The following POLA1 variants were observed in gnomAD, a reference collection of about 807,000 sequenced individuals.
POLA1 encodes DNA polymerase alpha 1, catalytic subunit.
POLA1 carries 15 observed loss-of-function variants against 124.0 expected under a neutral mutation model. The ratio of observed to expected loss-of-function variants is 0.12; its 90% confidence interval spans 0.08 to 0.19. The LOEUF (loss-of-function observed/expected upper bound fraction) is 0.19, where lower values mean the gene tolerates loss of function less well. Among genes scored for constraint, POLA1 ranks in the 10% least tolerant of loss-of-function variants. The pLI is 1.00. For missense variants in POLA1, 886 were observed against 1,103.4 expected, an observed-to-expected ratio of 0.80 and a Z score of 2.79; for synonymous variants, 408 against 389.4, an observed-to-expected ratio of 1.05 and a Z score of -0.56.
Position 24,703,322 on chromosome X carries a change from GGAT to G in POLA1, c.246_248del (p.Asp83del), listed in dbSNP as rs764169798. The G allele has an allele frequency of 2.5e-6, 3 of 1,201,529 alleles. No homozygotes were observed. In the South Asian group the frequency reaches 5.3e-5, roughly 21 times the overall value. Reference sequence around the variant, plus strand: ...ATTCGAAGCTGGTTCAGGCACGCCAGGATGATGACTGGATTGTGGATGATGGTA... The same window carrying G: ...ATTCGAAGCTGGTTCAGGCACGCCAGGATGACTGGATTGTGGATGATGGTA... On this transcript the variant is annotated inframe_deletion, in exon 3 of 37. Transcript: ENST00000379068.
intron 31 of POLA1, among the ~76,000 whole-genome samples, chrX:24,824,334 T>A (rs1176343973): frequency 9.0e-6 from 1 of 110,558 alleles, no homozygotes; most frequent in Non-Finnish European, 1.9e-5. Flanking sequence ...GCTCTGTCAC[T>A]CAGGCAAGAG....
intron 31 of POLA1, among the ~76,000 whole-genome samples, chrX:24,824,609 G>A (rs764976013): frequency 7.3e-5 from 8 of 109,585 alleles, no homozygotes; most frequent in East Asian, 2.9e-4. Context: ...GTGTCCAGCC[G>A]AAGGATGTAT....
At chrX:24,797,593 A>ACAT (rs2045630443) in intron 26 of POLA1, among the ~76,000 whole-genome samples, 1 of 112,283 alleles carries the variant, frequency 8.9e-6, no homozygotes. Context: ...AATCATTCAC[A>ACAT]GTTGTGTTCC....
At chrX:24,894,554 G>A (rs1034901444) in intron 35 of POLA1, among the ~76,000 whole-genome samples, 2 of 111,795 alleles carry the variant, frequency 1.8e-5, no homozygotes, top group Non-Finnish European at 3.8e-5. Flanking sequence ...TGAAATTTAC[G>A]GGGAATCCTT....
At chrX:24,698,321 C>T (rs776795301) in intron 1 of POLA1, among the ~76,000 whole-genome samples, 5 of 111,942 alleles carry the variant, frequency 4.5e-5, no homozygotes, top group Non-Finnish European at 9.4e-5. Context: ...AATGAATAAA[C>T]GCTGAAGTCC....
intron 26 of POLA1, among the ~76,000 whole-genome samples, chrX:24,804,665 A>G (rs1237180418): frequency 8.9e-6 from 1 of 112,167 alleles, no homozygotes; most frequent in Non-Finnish European, 1.9e-5. Context: ...ACTATAGTAG[A>G]CATGTTTTCG....
chrX:24,923,872 A>G (rs1195818197), intron 35 of POLA1, among the ~76,000 whole-genome samples: 1 of 112,018 alleles, frequency 8.9e-6, no homozygotes, highest in African/African-American at 3.2e-5. Context: ...AATAAAATAG[A>G]TAGAAAACTA....
chrX:24,809,804 A>T (rs2045868037), intron 26 of POLA1, 94 bp from the exon 27 acceptor site: 5 of 513,240 alleles, frequency 9.7e-6, no homozygotes, highest in Non-Finnish European at 1.6e-5. Flanking sequence ...ATACATGGAA[A>T]TGGCAAATCA....
At chrX:24,854,345 C>T (rs1357122568) in intron 34 of POLA1, among the ~76,000 whole-genome samples, 2 of 111,617 alleles carry the variant, frequency 1.8e-5, no homozygotes, top group African/African-American at 3.3e-5. Context: ...CCACCGCGCC[C>T]GGCCACGGGG....
At chrX:24,927,548 G>A (rs917837332) in intron 35 of POLA1, among the ~76,000 whole-genome samples, 10 of 111,473 alleles carry the variant, frequency 9.0e-5, no homozygotes, top group African/African-American at 2.0e-4. Flanking sequence ...AATGCAGAGC[G>A]TGATACATAC....
At chrX:24,817,445 T>TA (rs1409887187) in intron 30 of POLA1, among the ~76,000 whole-genome samples, 1 of 108,419 alleles carries the variant, frequency 9.2e-6, no homozygotes, top group Admixed American at 1.0e-4. Context: ...CTGTGTCTAC[T>TA]AAAAAATAAA....
chrX:24,788,753 G>A (rs755513278), intron 26 of POLA1: 2 of 1,202,631 alleles, frequency 1.7e-6, no homozygotes, highest in East Asian at 3.0e-5. Context: ...CTCATCATCA[G>A]ATCCAAAGAG....
intron 26 of POLA1, among the ~76,000 whole-genome samples, chrX:24,776,734 T>A (rs2045147060): frequency 8.9e-6 from 1 of 112,055 alleles, no homozygotes; most frequent in Non-Finnish European, 1.9e-5. Flanking sequence ...AAAAAATCTG[T>A]GGTTGAGAAT....
At chrX:24,790,901 T>TTATGTA (rs199812350) in intron 26 of POLA1, among the ~76,000 whole-genome samples, 10 of 78,675 alleles carry the variant, frequency 1.3e-4, no homozygotes, top group Non-Finnish European at 2.1e-4. Context: ...ACTCATTTAT[T>TTATGTA]TATGTATATG....
intron 26 of POLA1, among the ~76,000 whole-genome samples, chrX:24,773,743 G>C (rs776907789): frequency 1.7e-4 from 19 of 112,018 alleles, no homozygotes; most frequent in Non-Finnish European, 2.8e-4. Context: ...TTAAATGAAT[G>C]CCTGAGTCAG....
chrX:24,979,846 A>ATGC (rs1257064943), intron 36 of POLA1, among the ~76,000 whole-genome samples: 2 of 111,986 alleles, frequency 1.8e-5, no homozygotes, highest in African/African-American at 3.3e-5. Flanking sequence ...ACTGCGAGTG[A>ATGC]TGCTGCCTCT....
At position 24,717,376 on chromosome X, in the gene POLA1, G is replaced by C. The variant is rs1929916026; in HGVS notation, c.793G>C (p.Glu265Gln). Residue 265 changes from glutamate (E) to glutamine (Q), a missense_variant, in exon 9 of 37, where the codon GAA becomes CAA. By Grantham distance (29) the Glu-to-Gln change is conservative. Transcript: ENST00000379068. ...AGATGGTGACTTTGATGAGCCCATG[G>C]AAGTTGAAGAGGTGGACCTGGAGCC... The part of the protein sequence containing the change: ...FEDGDFDEPM[E>Q]VEEVDLEPMA... 8.3e-7 allele frequency: 1 copy of C among 1,208,792 alleles called. No individual in the cohort carries two copies. The highest frequency in any genetic ancestry group is 1.7e-5 in the African/African-American group (1 of 57,720).
chrX:24,714,623 A>T lies in POLA1; in HGVS notation c.416A>T (p.Asn139Ile), dbSNP rs776450064. Residue 139 changes from asparagine (N) to isoleucine (I), a missense_variant, in exon 5 of 37, where the codon AAC (asparagine) becomes ATC (isoleucine). Asn to Ile is a moderately radical substitution (Grantham distance 149). This residue lies in a region of POLA1 where 337 missense variants were observed against 402.8 expected (regional missense o/e 0.84). Coordinates refer to ENST00000379068, the MANE Select transcript of POLA1 (RefSeq NM_001330360.2). ...VKKLAVTKPN[N>I]IKSMFIACAG... ...AAGCTCGCAGTGACAAAACCGAACA[A>T]CATTAAGTCAATGTTCATTGCTTGT... The T allele has an allele frequency of 1.8e-5, 21 of 1,196,229 alleles. No homozygotes were observed. The highest frequency in any genetic ancestry group is 6.6e-5 in the Admixed American group (3 of 45,432).
At chrX:24,715,574 G>A (rs896965587) in intron 6 of POLA1, among the ~76,000 whole-genome samples, 1 of 112,266 alleles carries the variant, frequency 8.9e-6, no homozygotes, top group Admixed American at 9.4e-5. Context: ...GATTACAGGC[G>A]TGAGCCACTG....
Sources: gnomAD v4.1 joint callset for allele counts (sites outside exome capture counted in the v4.1 genomes callset) on GRCh38, gnomAD v4.1.1 for gene constraint, gnomAD v4.1.1 regional missense constraint, MANE v1.5 for transcripts, NCBI Gene and HGNC (gene_info 2026-07-23, HGNC 2026-07-21) for gene names.